The following STAM2 variants were observed in gnomAD, a reference collection of about 807,000 sequenced individuals.
STAM2 encodes the protein signal transducing adaptor molecule 2, also known as signal transducing adapter molecule 2.
STAM2 carries 51 observed loss-of-function variants against 65.6 expected under a neutral mutation model. The ratio of observed to expected loss-of-function variants is 0.78; its 90% CI spans 0.62 to 0.98. STAM2 has a LOEUF of 0.98. Among genes scored for constraint, STAM2 ranks in the 50% least tolerant of loss-of-function variants. The pLI, the probability that STAM2 is intolerant of heterozygous loss-of-function variation, is 0.00. For synonymous variants in STAM2, 198 were observed against 208.4 expected (o/e 0.95, Z 0.43); for missense variants, 584 against 617.8 (o/e 0.95, Z 0.58).
intron 1 of STAM2, among the ~76,000 whole-genome samples, chr2:152,161,361 G>A (rs1222920861): frequency 2.7e-5 from 4 of 150,878 alleles, no homozygotes; most frequent in Non-Finnish European, 4.4e-5. Context: ...CAAACACTGC[G>A]GAAGGCTGCA....
chr2:152,165,653 T>C (rs1218259891), intron 1 of STAM2, among the ~76,000 whole-genome samples: 1 of 152,158 alleles, frequency 6.6e-6, no homozygotes, highest in Non-Finnish European at 1.5e-5. Flanking sequence ...TACATCCATC[T>C]CTGAAGCTTT....
At chr2:152,138,908 CCAA>C (rs1689200119) in intron 7 of STAM2, among the ~76,000 whole-genome samples, 1 of 152,156 alleles carries the variant, frequency 6.6e-6, no homozygotes, top group South Asian at 2.1e-4. Flanking sequence ...TATGAACCTA[CCAA>C]CAACTGTATG....
At chr2:152,160,348 C>A (rs1222719888) in intron 1 of STAM2, among the ~76,000 whole-genome samples, 2 of 151,576 alleles carry the variant, frequency 1.3e-5, no homozygotes, top group Non-Finnish European at 2.9e-5. Flanking sequence ...GGCCGCCCAT[C>A]GTCTGAGATG....
In STAM2 at chr2:152,170,113, A is replaced by T. The variant is rs546643650; in HGVS notation, c.40+5490T>A. On this transcript the variant is annotated intron_variant, in intron 1 of 13. Coordinates refer to ENST00000263904, the MANE Select transcript of STAM2 (RefSeq NM_005843.6). ...CAGCCTCCCAAAGTGCTGGGATTAC[A>T]GGCATGAGCCACCACACCAGGCCAA... 6.6e-5 allele frequency among the ~76,000 whole-genome samples: 10 copies of T among 151,400 alleles called. No homozygotes were observed. The East Asian group carries it at 2.0e-3, about 30-fold the overall frequency.
chr2:152,150,829 A>C (rs917344868), intron 1 of STAM2, among the ~76,000 whole-genome samples: 4 of 152,090 alleles, frequency 2.6e-5, no homozygotes, highest in Non-Finnish European at 2.9e-5. Flanking sequence ...AAAGTATATC[A>C]TACAAGTAAA....
At chr2:152,126,122 T>G (rs1040926931) in intron 12 of STAM2, 104 bp downstream of exon 12, 1 of 989,594 alleles carries the variant, frequency 1.0e-6, no homozygotes, top group Non-Finnish European at 1.4e-6. Flanking sequence ...TTTTATAATT[T>G]TATTCACAGA....
intron 2 of STAM2, among the ~76,000 whole-genome samples, chr2:152,148,574 G>C (rs1314012273): frequency 6.6e-6 from 1 of 152,156 alleles, no homozygotes; most frequent in Admixed American, 6.5e-5. Flanking sequence ...GGAGGCTGAG[G>C]CAAGAGGACT....
intron 11 of STAM2, 107 bp from the exon 12 acceptor site, chr2:152,126,486 G>T: frequency 1.6e-6 from 1 of 639,414 alleles, no homozygotes; most frequent in East Asian, 3.5e-5. Context: ...ATATTAAAAG[G>T]CTTTTTTATA....
rs888131405 is a variant in STAM2, at chr2:152,119,979, C to T, written c.*595G>A. 2 of 152,816 alleles carry T rather than the reference C, an allele frequency of 1.3e-5. No individual in the cohort carries two copies. Among genetic ancestry groups the T allele is most frequent in the Non-Finnish European group, 2.9e-5 (2 of 68,232 alleles). 9.5% of individuals were successfully genotyped at this position (152,816 alleles called of 1,614,324 possible). A position where few individuals can be genotyped will look rare whatever the true frequency, so the allele number is the denominator to read the frequency against. ...AGCAAAAGTGACAATACTGCAAACACAACCGCAATTTAAGGAGCCAAAAAG... is the reference window on the plus strand; with the variant it reads ...AGCAAAAGTGACAATACTGCAAACATAACCGCAATTTAAGGAGCCAAAAAG... On this transcript the variant is annotated 3_prime_UTR_variant, in exon 14 of 14. Transcript: ENST00000263904.
At chr2:152,133,556 C>G in intron 8 of STAM2, 72 bp from the exon 9 acceptor site, 1 of 1,150,498 alleles carries the variant, frequency 8.7e-7, no homozygotes, top group South Asian at 1.3e-5. Context: ...TTATAAGTGG[C>G]CTATGATTGT....
chr2:152,167,943 T>C (rs1009949367), intron 1 of STAM2, among the ~76,000 whole-genome samples: 2 of 151,358 alleles, frequency 1.3e-5, no homozygotes, highest in African/African-American at 4.9e-5. Context: ...AAATAAAAGC[T>C]TTTTAACTTA....
At chr2:152,160,824 TG>T (rs1260665492) in intron 1 of STAM2, among the ~76,000 whole-genome samples, 2 of 85,186 alleles carry the variant, frequency 2.3e-5, no homozygotes, top group Non-Finnish European at 2.3e-5. Flanking sequence ...GGGAAGGTGG[TG>T]GGGGGGTCAG....
intron 1 of STAM2, among the ~76,000 whole-genome samples, chr2:152,170,633 T>C (rs946068308): frequency 6.6e-6 from 1 of 152,208 alleles, no homozygotes; most frequent in Non-Finnish European, 1.5e-5. Flanking sequence ...TATAGTAGTA[T>C]AGTATCACGC....
chr2:152,159,901 C>G (rs377452884), intron 1 of STAM2, among the ~76,000 whole-genome samples: 1 of 152,208 alleles, frequency 6.6e-6, no homozygotes, highest in South Asian at 2.1e-4. Context: ...ACTGGTTTTC[C>G]TATTTTTTTG....
chr2:152,142,923 C>T (rs1689275060), intron 7 of STAM2, among the ~76,000 whole-genome samples: 1 of 152,186 alleles, frequency 6.6e-6, no homozygotes, highest in Admixed American at 6.5e-5. Context: ...TGAAATGGAG[C>T]CGCAGGATAA....
chr2:152,147,443 C>G, intron 4 of STAM2, 135 bp from the exon 5 acceptor site: 1 of 818,276 alleles, frequency 1.2e-6, no homozygotes, highest in African/African-American at 1.8e-5. Flanking sequence ...AAATTTCTAG[C>G]CTAGTTGAGT....
intron 13 of STAM2, among the ~76,000 whole-genome samples, chr2:152,122,072 A>ATG (rs766266255): frequency 0.019 from 2,100 of 108,228 alleles, 51 homozygotes; most frequent in African/African-American, 0.064. Flanking sequence ...ATATATATAT[A>ATG]TATATGTGTG....
chr2:152,132,271 T>C lies in STAM2; in HGVS notation c.971-103A>G, dbSNP rs1689078745. On this transcript the variant is annotated intron_variant, in intron 10 of 13. Coordinates refer to ENST00000263904, the MANE Select transcript of STAM2 (RefSeq NM_005843.6). Reference sequence around the variant, plus strand: ...CACCAATATACAACACTATGCATAATACACACAGATTAAGCTCATGCTAGA... The same window carrying C: ...CACCAATATACAACACTATGCATAACACACACAGATTAAGCTCATGCTAGA... 5 of 722,256 alleles carry C rather than the reference T, an allele frequency of 6.9e-6. No individual in the cohort carries two copies. In the South Asian group the frequency reaches 8.9e-5, roughly 13 times the overall value. The allele number at this position is 722,256 out of a possible 1,614,324, so 44.7% of individuals were successfully genotyped here. A position where few individuals can be genotyped will look rare whatever the true frequency, so the allele number is the denominator to read the frequency against.
At chr2:152,172,233 C>G (rs1190272197) in intron 1 of STAM2, among the ~76,000 whole-genome samples, 1 of 152,016 alleles carries the variant, frequency 6.6e-6, no homozygotes, top group Non-Finnish European at 1.5e-5. Flanking sequence ...CTAACACTAC[C>G]AAATCTAGTA....
Sources: gnomAD v4.1 joint callset for allele counts (sites outside exome capture counted in the v4.1 genomes callset) on GRCh38, gnomAD v4.1.1 for gene constraint, MANE v1.5 for transcripts, NCBI Gene and HGNC (gene_info 2026-07-23, HGNC 2026-07-21) for gene names.